Variants in R3HDM2 observed in about 807,000 individuals in gnomAD.
R3HDM2 encodes the protein R3H domain-containing protein 2.
In R3HDM2, 38 loss-of-function variants were observed where a neutral mutation model predicts 124.5. That is an observed-to-expected ratio of 0.31 (90% confidence interval 0.24 to 0.40). The LOEUF (loss-of-function observed/expected upper bound fraction) is 0.40, where lower values mean the gene tolerates loss of function less well. R3HDM2 is among the 10% of genes least tolerant of loss of function. R3HDM2 has a pLI of 1.00. For synonymous variants in R3HDM2, 391 were observed against 448.0 expected (o/e 0.87, Z 1.61); for missense variants, 869 against 1,236.9 (o/e 0.70, Z 4.46).
At chr12:57,427,168 G>A (rs1287276835) in intron 1 of R3HDM2, among the ~76,000 whole-genome samples, 1 of 151,760 alleles carries the variant, frequency 6.6e-6, no homozygotes, top group African/African-American at 2.4e-5. Flanking sequence ...GCGCGTGCCT[G>A]TAATCCTAGC....
At chr12:57,391,964 C>T (rs936072058) in intron 2 of R3HDM2, among the ~76,000 whole-genome samples, 7 of 152,118 alleles carry the variant, frequency 4.6e-5, no homozygotes, top group African/African-American at 1.4e-4. Flanking sequence ...GAGTTGGAGA[C>T]CAGCCTGGCC....
chr12:57,427,304 AAAT>A (rs2070835725), intron 1 of R3HDM2, among the ~76,000 whole-genome samples: 1 of 147,858 alleles, frequency 6.8e-6, no homozygotes, highest in Non-Finnish European at 1.5e-5. Context: ...AAAAATAAAT[AAAT>A]AATAATAAAA....
intron 1 of R3HDM2, among the ~76,000 whole-genome samples, chr12:57,408,482 G>A (rs2139216506): frequency 6.6e-6 from 1 of 152,174 alleles, no homozygotes; most frequent in Admixed American, 6.6e-5. Flanking sequence ...TGTAATCCCA[G>A]CACTTTGAGA....
chr12:57,388,113 T>C (rs1050228605), intron 2 of R3HDM2, among the ~76,000 whole-genome samples: 11 of 151,900 alleles, frequency 7.2e-5, no homozygotes, highest in African/African-American at 2.4e-4. Flanking sequence ...TACAGGCGCC[T>C]GCCACCATGC....
Position 57,299,461 on chromosome 12 carries a change from G to A in R3HDM2, c.312C>T (p.His104=), listed in dbSNP as rs2050634137. The part of the protein sequence containing the change: ...PLETQDIIQL[H]ISCPSDKEEE... ...CCTCCTTGTCAGAAGGGCAACTGAT[G>A]TGCAATTGAATTATATCCTTAAGGG... The change falls in exon 6 of 24, where the codon CAC becomes CAT. Residue 104 remains histidine (H), a synonymous_variant. Coordinates refer to ENST00000402412, the MANE Select transcript of R3HDM2 (RefSeq NM_001394031.1). 1 of 1,546,644 alleles carries A rather than the reference G, an allele frequency of 6.5e-7. No individual in the cohort carries two copies. Among genetic ancestry groups the A allele is most frequent in the Non-Finnish European group, 8.8e-7 (1 of 1,142,514 alleles).
chr12:57,314,944 A>G (rs573768236), intron 2 of R3HDM2, among the ~76,000 whole-genome samples: 1 of 151,858 alleles, frequency 6.6e-6, no homozygotes, highest in South Asian at 2.1e-4. Context: ...TTCAGCCTCA[A>G]CCTCCCCGGG....
In R3HDM2 at chr12:57,346,419, T is replaced by C. The variant is rs1402632906; in HGVS notation, c.-35-35956A>G. ...GTTGCAGTGAGCCAAGACCGTGCCA[T>C]TGCACTCCAGCCTGGGCAACAAGAG... On this transcript the variant is annotated intron_variant, in intron 2 of 23. Coordinates refer to ENST00000402412, the MANE Select transcript of R3HDM2 (RefSeq NM_001394031.1). Among the ~76,000 whole-genome samples the C allele has an allele frequency of 4.6e-5, 7 of 151,896 alleles. No individual in the cohort carries two copies. The South Asian group carries it at 1.2e-3, about 27-fold the overall frequency.
chr12:57,385,243 G>T (rs1321294779), intron 2 of R3HDM2, among the ~76,000 whole-genome samples: 2 of 149,554 alleles, frequency 1.3e-5, no homozygotes, highest in Non-Finnish European at 3.0e-5. Context: ...AAAACTTAAA[G>T]ACTTTTTTTT....
intron 2 of R3HDM2, among the ~76,000 whole-genome samples, chr12:57,338,399 T>A (rs1392757946): frequency 1.3e-5 from 2 of 152,198 alleles, no homozygotes; most frequent in Non-Finnish European, 2.9e-5. Flanking sequence ...AGATAACTGC[T>A]ATTAACAACA....
In R3HDM2 at chr12:57,268,522, C is replaced by T. The variant is rs2042955750; in HGVS notation, c.1876-65G>A. ...CACATTGAGCTCATGCAGAAACAGC[C>T]TAGTCATCACGAGATCAGGGCATTA... On this transcript the variant is annotated intron_variant, in intron 17 of 23. Transcript: ENST00000402412. 2.0e-6 allele frequency: 3 copies of T among 1,533,274 alleles called. No homozygotes were observed. In the African/African-American group the frequency reaches 4.1e-5, roughly 21 times the overall value. The allele number at this position is 1,533,274 out of a possible 1,614,324, so 95.0% of individuals were successfully genotyped here. A position where few individuals can be genotyped will look rare whatever the true frequency, so the allele number is the denominator to read the frequency against.
chr12:57,277,304 GAC>G (rs796498008), intron 14 of R3HDM2, among the ~76,000 whole-genome samples: 10 of 152,136 alleles, frequency 6.6e-5, no homozygotes, highest in African/African-American at 2.2e-4. Context: ...GAGCTTCACC[GAC>G]ACACAATTTG....
At chr12:57,258,401 G>A (rs1237282893) in intron 20 of R3HDM2, among the ~76,000 whole-genome samples, 1 of 151,738 alleles carries the variant, frequency 6.6e-6, no homozygotes, top group Non-Finnish European at 1.5e-5. Flanking sequence ...CTGGAGTGCA[G>A]TGGTGCAATC....
chr12:57,377,061 C>T (rs1317691929), intron 2 of R3HDM2, among the ~76,000 whole-genome samples: 3 of 119,226 alleles, frequency 2.5e-5, no homozygotes, highest in Non-Finnish European at 5.5e-5. Flanking sequence ...TGCTGCTGCT[C>T]ACTCCTTGGG....
rs370349248 is a variant in R3HDM2 at position 57,426,098 on chromosome 12, G to A, written c.-106+4622C>T. ...CAAAAATTATCCAGGCGTGGTAGCC[G>A]ATGCCTGTAATCCCAGCTACTTGGG... On this transcript the variant is annotated intron_variant, in intron 1 of 23. Coordinates refer to ENST00000402412, the MANE Select transcript of R3HDM2 (RefSeq NM_001394031.1). Among the ~76,000 whole-genome samples the A allele has an allele frequency of 7.2e-5, 11 of 152,134 alleles. No homozygotes were observed. The South Asian group carries it at 8.3e-4, about 11-fold the overall frequency.
At chr12:57,426,890 A>G (rs558907196) in intron 1 of R3HDM2, among the ~76,000 whole-genome samples, 15 of 152,328 alleles carry the variant, frequency 9.8e-5, no homozygotes, top group South Asian at 4.1e-4. Context: ...AAATTCATGG[A>G]AAGAGTTCAA....
At chr12:57,376,882 C>T (rs902493261) in intron 2 of R3HDM2, among the ~76,000 whole-genome samples, 11 of 151,412 alleles carry the variant, frequency 7.3e-5, no homozygotes, top group African/African-American at 2.7e-4. Context: ...ACTCAGGAGG[C>T]GGCGGTTGCA....
intron 2 of R3HDM2, among the ~76,000 whole-genome samples, chr12:57,373,218 A>AGT (rs2063584773): frequency 6.6e-6 from 1 of 152,148 alleles, no homozygotes; most frequent in Admixed American, 6.6e-5. Context: ...CAGTAATAAC[A>AGT]AGCCGGGCGC....
chr12:57,311,715 A>G (rs770043360), intron 2 of R3HDM2, among the ~76,000 whole-genome samples: 1 of 152,144 alleles, frequency 6.6e-6, no homozygotes, highest in Admixed American at 6.6e-5. Flanking sequence ...AAAAACAAGA[A>G]GAGAACTTTG....
chr12:57,303,715 G>A lies in R3HDM2; in HGVS notation c.166-498C>T, dbSNP rs139165321. On this transcript the variant is annotated intron_variant, in intron 3 of 23. Transcript: ENST00000402412. ...GAGGATGGCTTGAGCCTGGGAAGAG[G>A]AGGTTGCAGTGAGCCGAGATCACGC... is the stretch of plus-strand genomic sequence containing the variant. Among the ~76,000 whole-genome samples, 3 of 152,222 alleles carry A rather than the reference G, an allele frequency of 2.0e-5. No individual in the cohort carries two copies. The East Asian group carries it at 5.8e-4, about 29-fold the overall frequency.
Sources: gnomAD v4.1 joint callset for allele counts (sites outside exome capture counted in the v4.1 genomes callset) on GRCh38, gnomAD v4.1.1 for gene constraint, MANE v1.5 for transcripts, NCBI Gene and HGNC (gene_info 2026-07-23, HGNC 2026-07-21) for gene names.